The following KCNIP4 variants were observed in gnomAD, a reference collection of about 807,000 sequenced individuals.
KCNIP4 encodes the protein potassium voltage-gated channel interacting protein 4, also known as Kv channel-interacting protein 4.
KCNIP4 carries 12 observed loss-of-function variants against 34.0 expected under a neutral mutation model. That is an observed-to-expected ratio of 0.35 (90% CI 0.23 to 0.57). The LOEUF (loss-of-function observed/expected upper bound fraction) is 0.57, where lower values mean the gene tolerates loss of function less well. KCNIP4 is among the 20% of genes least tolerant of loss of function. The pLI is 0.83. For synonymous variants in KCNIP4, 124 were observed against 102.2 expected (o/e 1.21, Z -1.29); for missense variants, 238 against 311.7 (o/e 0.76, Z 1.78).
At chr4:21,352,615 G>A (rs538706067) in intron 1 of KCNIP4, among the ~76,000 whole-genome samples, 1 of 152,354 alleles carries the variant, frequency 6.6e-6, no homozygotes, top group South Asian at 2.1e-4. Flanking sequence ...GGTAAACAAA[G>A]CAGCCAGGAA....
intron 3 of KCNIP4, among the ~76,000 whole-genome samples, chr4:20,823,113 CTGAG>C (rs1367483101): frequency 6.6e-6 from 1 of 152,048 alleles, no homozygotes; most frequent in South Asian, 2.1e-4. Flanking sequence ...ATACTTTAGA[CTGAG>C]TAATTTATAA....
chr4:21,275,056 C>T (rs1259011765), intron 1 of KCNIP4, among the ~76,000 whole-genome samples: 4 of 152,254 alleles, frequency 2.6e-5, no homozygotes, highest in Middle Eastern at 6.8e-3. Flanking sequence ...TGTTAATATT[C>T]AGATCCTGTT....
At chr4:21,446,113 G>A (rs188191706) in intron 1 of KCNIP4, among the ~76,000 whole-genome samples, 10 of 152,112 alleles carry the variant, frequency 6.6e-5, no homozygotes, top group Admixed American at 2.0e-4. Context: ...TCATTAAAAC[G>A]TCAGGAAACA....
chr4:21,696,173 G>T (rs1194701685), intron 1 of KCNIP4, among the ~76,000 whole-genome samples: 1 of 152,042 alleles, frequency 6.6e-6, no homozygotes, highest in Admixed American at 6.5e-5. Context: ...ATTTGATGAT[G>T]CTCTCTAAAA....
chr4:21,351,420 A>G (rs1387279179), intron 1 of KCNIP4, among the ~76,000 whole-genome samples: 1 of 152,194 alleles, frequency 6.6e-6, no homozygotes, highest in East Asian at 1.9e-4. Context: ...CTGCTGCCAT[A>G]TAAGACATGC....
At chr4:20,826,546 T>C (rs923008266) in intron 3 of KCNIP4, among the ~76,000 whole-genome samples, 3 of 151,938 alleles carry the variant, frequency 2.0e-5, no homozygotes, top group Middle Eastern at 3.2e-3. Context: ...ATCATGCCAC[T>C]GTACTGCACT....
intron 1 of KCNIP4, among the ~76,000 whole-genome samples, chr4:21,142,726 G>A (rs1322225833): frequency 1.3e-5 from 2 of 152,014 alleles, no homozygotes; most frequent in Non-Finnish European, 2.9e-5. Flanking sequence ...ATTGGGTGTT[G>A]GACTCCCAAG....
chr4:21,767,866 A>G (rs1718529306), intron 1 of KCNIP4, among the ~76,000 whole-genome samples: 1 of 152,114 alleles, frequency 6.6e-6, no homozygotes, highest in African/African-American at 2.4e-5. Context: ...CAGTATTGAC[A>G]GAGCTCTTGG....
rs1168411909 is a variant in KCNIP4 at position 21,291,931 on chromosome 4, GAAAGAAAA to G, written c.62-409230_62-409223del. ...AGAAAGAAAGAAAGAAAGAAAGAAA[GAAAGAAAA>G]AAAAAGAAAAAAGTCTGATGAATAA... On this transcript the variant is annotated intron_variant, in intron 1 of 8. Transcript: ENST00000382152. 4.9e-4 allele frequency among the ~76,000 whole-genome samples: 33 copies of G among 67,296 alleles called. 1 individual carries two copies. The highest frequency in any genetic ancestry group is 1.2e-3 in the African/African-American group (12 of 9,868). 44.1% of individuals were successfully genotyped at this position (67,296 alleles called of 152,430 possible). A position where few individuals can be genotyped will look rare whatever the true frequency, so the allele number is the denominator to read the frequency against.
At chr4:21,403,020 CCACTCTATTGT>C (rs1723672191) in intron 1 of KCNIP4, among the ~76,000 whole-genome samples, 1 of 152,178 alleles carries the variant, frequency 6.6e-6, no homozygotes, top group South Asian at 2.1e-4. Flanking sequence ...GTGGTCTACA[CCACTCTATTGT>C]CATGATCACC....
intron 1 of KCNIP4, among the ~76,000 whole-genome samples, chr4:21,030,950 G>A (rs923354931): frequency 6.6e-6 from 1 of 152,162 alleles, no homozygotes; most frequent in Non-Finnish European, 1.5e-5. Context: ...AGCTACAGCT[G>A]TCCATGGCTC....
intron 1 of KCNIP4, among the ~76,000 whole-genome samples, chr4:21,665,511 AC>A (rs11291297): frequency 0.56 from 77,996 of 138,762 alleles, 21,065 homozygotes; most frequent in African/African-American, 0.64. Flanking sequence ...ATCACAGGGC[AC>A]CCCCCCCCCC....
chr4:20,807,928 G>A (rs1382339904), intron 3 of KCNIP4, among the ~76,000 whole-genome samples: 1 of 152,038 alleles, frequency 6.6e-6, no homozygotes, highest in Non-Finnish European at 1.5e-5. Context: ...GTTTCACAGG[G>A]CCCTTTTAAA....
chr4:21,751,565 A>G (rs990007671), intron 1 of KCNIP4, among the ~76,000 whole-genome samples: 4 of 152,186 alleles, frequency 2.6e-5, no homozygotes, highest in Non-Finnish European at 4.4e-5. Flanking sequence ...TAAAGGGTGC[A>G]TAAGCTCTAT....
intron 1 of KCNIP4, among the ~76,000 whole-genome samples, chr4:21,581,415 C>T (rs559525410): frequency 6.2e-4 from 94 of 151,902 alleles, no homozygotes; most frequent in African/African-American, 2.2e-3. Context: ...TAATAAAACC[C>T]ACAATATTCG....
intron 1 of KCNIP4, among the ~76,000 whole-genome samples, chr4:21,328,710 C>A (rs1007349796): frequency 6.6e-6 from 1 of 152,208 alleles, no homozygotes; most frequent in African/African-American, 2.4e-5. Context: ...GAGATGACAT[C>A]CAGGAGCCAG....
intron 3 of KCNIP4, among the ~76,000 whole-genome samples, chr4:20,826,959 C>T (rs1717841908): frequency 6.6e-6 from 1 of 152,182 alleles, no homozygotes; most frequent in South Asian, 2.1e-4. Flanking sequence ...GGACCACCAT[C>T]AACTTCTTCT....
intron 1 of KCNIP4, among the ~76,000 whole-genome samples, chr4:21,757,099 AAAAGAAAGAAAGAAAGAAAGAAAGAAAG>A: frequency 9.1e-6 from 1 of 109,908 alleles, no homozygotes; most frequent in South Asian, 4.2e-4. Context: ...CTGTCTCAAA[AAAAGAAAGAAAGAAAGAAAGAAAGAAAG>A]AAAGAAAGAA....
intron 3 of KCNIP4, among the ~76,000 whole-genome samples, chr4:20,842,219 A>G (rs73242520): frequency 0.067 from 10,269 of 152,208 alleles, 471 homozygotes; most frequent in Non-Finnish European, 0.1. Context: ...TAAGCCATGA[A>G]AAAATATATT....
Sources: allele counts gnomAD v4.1 joint callset (sites outside exome capture counted in the v4.1 genomes callset), GRCh38; gene constraint gnomAD v4.1.1; transcripts MANE v1.5; gene names NCBI Gene and HGNC (gene_info 2026-07-23, HGNC 2026-07-21).